Variants in FRMD6 observed in about 807,000 individuals in gnomAD.
FRMD6 encodes FERM domain-containing protein 6.
Under a neutral mutation model 73.2 loss-of-function variants are expected in FRMD6, and 37 were observed. That is an observed-to-expected ratio of 0.51 (90% confidence interval 0.39 to 0.66). The LOEUF (loss-of-function observed/expected upper bound fraction) is 0.66. FRMD6 is among the 30% of genes least tolerant of loss of function. FRMD6 has a pLI of 0.00. For synonymous variants in FRMD6, 273 were observed against 282.2 expected (o/e 0.97, Z 0.33); for missense variants, 714 against 780.5 (o/e 0.91, Z 1.02).
chr14:51,404,201 A>G, the FRMD6 span, among the ~76,000 whole-genome samples: 6 of 151,824 alleles, frequency 4.0e-5, no homozygotes, highest in Non-Finnish European at 8.8e-5. Context: ...ACATTTATTG[A>G]TGTATTTTCT....
intron 2 of FRMD6, among the ~76,000 whole-genome samples, chr14:51,601,966 C>T (rs766812010): frequency 3.4e-4 from 52 of 152,298 alleles, no homozygotes; most frequent in Middle Eastern, 6.8e-3. Flanking sequence ...TCTTAGCCTA[C>T]TTGGCAAGCC....
At chr14:51,616,163 G>A (rs900868975) in intron 2 of FRMD6, among the ~76,000 whole-genome samples, 5 of 152,112 alleles carry the variant, frequency 3.3e-5, no homozygotes, top group Admixed American at 3.3e-4. Context: ...AAGTTGAGAT[G>A]TCTGTAGTTG....
chr14:51,546,060 A>G (rs1384798383), intron 1 of FRMD6, among the ~76,000 whole-genome samples: 2 of 152,212 alleles, frequency 1.3e-5, no homozygotes, highest in Admixed American at 1.3e-4. Context: ...TTCCATTATA[A>G]ATAGAAAATG....
chr14:51,483,067 G>A, the FRMD6 span, among the ~76,000 whole-genome samples: 1 of 152,114 alleles, frequency 6.6e-6, no homozygotes, highest in Non-Finnish European at 1.5e-5. Flanking sequence ...TTTTTTGAAA[G>A]CTAGATATAT....
the FRMD6 span, among the ~76,000 whole-genome samples, chr14:51,451,387 T>C: frequency 2.6e-5 from 4 of 152,176 alleles, no homozygotes; most frequent in Non-Finnish European, 5.9e-5. Context: ...TATGTATATA[T>C]ATGTATGATA....
At chr14:51,714,617 A>G (rs1897144807) in intron 9 of FRMD6, 1 of 152,224 alleles carries the variant, frequency 6.6e-6, no homozygotes, top group Admixed American at 6.5e-5. Flanking sequence ...TTATATGTCT[A>G]CTGATAGCTG....
At chr14:51,684,056 C>G (rs1475268268) in intron 1 of FRMD6, among the ~76,000 whole-genome samples, 2 of 151,882 alleles carry the variant, frequency 1.3e-5, no homozygotes, top group Non-Finnish European at 2.9e-5. Context: ...AACTGTAAAA[C>G]AGGCCATGAA....
chr14:51,656,694 G>GA (rs1272667747), intron 1 of FRMD6, among the ~76,000 whole-genome samples: 2 of 152,152 alleles, frequency 1.3e-5, no homozygotes, highest in Non-Finnish European at 2.9e-5. Flanking sequence ...TCACAGGCTT[G>GA]AGCCACCGCG....
At chr14:51,605,615 C>A (rs76756877) in intron 2 of FRMD6, among the ~76,000 whole-genome samples, 3,910 of 152,212 alleles carry the variant, frequency 0.026, 65 homozygotes, top group Middle Eastern at 0.12. Flanking sequence ...CCTTAAAAGG[C>A]ACTTCAGGGA....
At chr14:51,567,061 G>A (rs956018868) in intron 1 of FRMD6, among the ~76,000 whole-genome samples, 11 of 152,184 alleles carry the variant, frequency 7.2e-5, no homozygotes, top group Non-Finnish European at 1.2e-4. Flanking sequence ...TATGGGAGGT[G>A]GGGAAGGAGT....
In FRMD6 at chr14:51,705,511, C is replaced by G. The variant is rs531667709; in HGVS notation, c.558+576C>G. Among the ~76,000 whole-genome samples, 6 of 152,226 alleles carry G rather than the reference C, an allele frequency of 3.9e-5. No individual in the cohort carries two copies. The South Asian group carries it at 1.2e-3, about 32-fold the overall frequency. On this transcript the variant is annotated intron_variant, in intron 6 of 13. Coordinates refer to ENST00000344768, the MANE Select transcript of FRMD6 (RefSeq NM_001267046.2). ...TGTATTTTCTGTCTCTCTTCTATAT[C>G]ATTAGCCCCTCCCCAAAGTAACTCT...
At chr14:51,422,601 T>A in the FRMD6 span, among the ~76,000 whole-genome samples, 1 of 152,172 alleles carries the variant, frequency 6.6e-6, no homozygotes, top group Non-Finnish European at 1.5e-5. Context: ...AAGGAGAAAT[T>A]TCCATTTAAT....
At chr14:51,399,939 T>A in the FRMD6 span, among the ~76,000 whole-genome samples, 1 of 151,912 alleles carries the variant, frequency 6.6e-6, no homozygotes, top group Non-Finnish European at 1.5e-5. Flanking sequence ...ATGTTGTTTT[T>A]TTTTTTAGTT....
rs1474199663 is a variant in FRMD6 at position 51,615,475 on chromosome 14, T to A, written c.-147+45065T>A. 2.6e-5 allele frequency among the ~76,000 whole-genome samples: 4 copies of A among 152,130 alleles called. No homozygotes were observed. In the East Asian group the frequency reaches 7.7e-4, roughly 29 times the overall value. On this transcript the variant is annotated intron_variant, in intron 2 of 14. Transcript: ENST00000356218. ...AAACCCCAAATAATGTCCCAAGAAT[T>A]GCCCCAGGTAACTTCTCTAGCAGTT... is the stretch of plus-strand genomic sequence containing the variant.
At chr14:51,654,305 T>TGGGG (rs56170622) in intron 1 of FRMD6, among the ~76,000 whole-genome samples, 16 of 122,024 alleles carry the variant, frequency 1.3e-4, no homozygotes, top group East Asian at 1.0e-3. Flanking sequence ...TTAGCTGAAT[T>TGGGG]GGGGGGGGGG....
the FRMD6 span, among the ~76,000 whole-genome samples, chr14:51,422,778 C>G: frequency 3.5e-4 from 53 of 152,284 alleles, no homozygotes; most frequent in African/African-American, 1.2e-3. Context: ...ACAGGTGGGT[C>G]AACACCCTTT....
chr14:51,456,738 C>T, the FRMD6 span, among the ~76,000 whole-genome samples: 2 of 152,112 alleles, frequency 1.3e-5, no homozygotes, highest in Non-Finnish European at 2.9e-5. Context: ...AGCCAAGATA[C>T]AGAATCAACT....
chr14:51,693,970 T>G (rs1193036250), intron 2 of FRMD6, among the ~76,000 whole-genome samples: 1 of 152,220 alleles, frequency 6.6e-6, no homozygotes, highest in Non-Finnish European at 1.5e-5. Context: ...GCAGTCAATG[T>G]GTATAGAGTT....
chr14:51,527,436 T>C (rs749645592), intron 1 of FRMD6, among the ~76,000 whole-genome samples: 1 of 152,226 alleles, frequency 6.6e-6, no homozygotes, highest in Non-Finnish European at 1.5e-5. Flanking sequence ...AGGTTACCAT[T>C]AGGCAAGTTA....
Sources: gnomAD v4.1 joint callset for allele counts (sites outside exome capture counted in the v4.1 genomes callset) on GRCh38, gnomAD v4.1.1 for gene constraint, MANE v1.5 for transcripts, NCBI Gene and HGNC (gene_info 2026-07-23, HGNC 2026-07-21) for gene names.